ALG6: variants seen among roughly 807,000 people sequenced by gnomAD.
The protein encoded by ALG6 is ALG6 alpha-1,3-glucosyltransferase.
ALG6 carries 46 observed loss-of-function variants against 66.6 expected under a neutral mutation model. The ratio of observed to expected loss-of-function variants is 0.69; its 90% CI spans 0.55 to 0.88. The LOEUF is 0.88. ALG6 is among the 40% of genes least tolerant of loss of function. The pLI, the probability that ALG6 is intolerant of heterozygous loss-of-function variation, is 0.00. For synonymous variants in ALG6, 185 were observed against 203.7 expected (o/e 0.91, Z 0.78); for missense variants, 505 against 586.8 (o/e 0.86, Z 1.44).
intron 1 of ALG6, among the ~76,000 whole-genome samples, chr1:63,368,006 C>T (rs920164496): frequency 6.6e-6 from 1 of 152,116 alleles, no homozygotes; most frequent in Non-Finnish European, 1.5e-5. Context: ...ATATACACGC[C>T]CGGGATAGCT....
In ALG6 at chr1:63,406,087, T is replaced by C. The variant is rs2273122; in HGVS notation, c.347-230T>C. Among the ~76,000 whole-genome samples the C allele has an allele frequency of 0.18, 26,613 of 151,990 alleles. 2,481 individuals carry two copies. The highest frequency in any genetic ancestry group is 0.25 in the Middle Eastern group (73 of 292). ...GAGAATGTTAGATACATCTGATTGA[T>C]TAAATGTGTGAATTTGTTAGAGAAA... is the stretch of plus-strand genomic sequence containing the variant. On this transcript the variant is annotated intron_variant, in intron 5 of 14. Transcript: ENST00000263440.
chr1:63,387,816 A>G (rs1648550263), intron 2 of ALG6, among the ~76,000 whole-genome samples: 1 of 152,042 alleles, frequency 6.6e-6, no homozygotes, highest in Non-Finnish European at 1.5e-5. Flanking sequence ...TACTGGGATT[A>G]GAGGTGTGAG....
At chr1:63,397,581 A>T (rs1190100126) in intron 3 of ALG6, among the ~76,000 whole-genome samples, 1 of 152,116 alleles carries the variant, frequency 6.6e-6, no homozygotes, top group African/African-American at 2.4e-5. Context: ...ATGATACAGT[A>T]TATATTGAAC....
In ALG6 at chr1:63,377,467, A is replaced by G. The variant is rs190763769; in HGVS notation, c.82+6408A>G. 4.6e-5 allele frequency among the ~76,000 whole-genome samples: 7 copies of G among 152,022 alleles called. No homozygotes were observed. In the East Asian group the frequency reaches 1.2e-3, roughly 25 times the overall value. Reference sequence around the variant, plus strand: ...TCCGCAATTGCTGTTTCCCTTCTCTATTGGTTTGAAAGCTATATTTTTATT... The same window carrying G: ...TCCGCAATTGCTGTTTCCCTTCTCTGTTGGTTTGAAAGCTATATTTTTATT... On this transcript the variant is annotated intron_variant, in intron 2 of 14. Coordinates refer to ENST00000263440, the MANE Select transcript of ALG6 (RefSeq NM_013339.4).
intron 14 of ALG6, among the ~76,000 whole-genome samples, chr1:63,431,024 T>C (rs899013035): frequency 3.3e-5 from 5 of 152,318 alleles, no homozygotes; most frequent in East Asian, 3.9e-4. Flanking sequence ...TTTAAATCTA[T>C]GCCTTTGAGT....
chr1:63,413,252 CACTT>C (rs1379003461), intron 9 of ALG6, among the ~76,000 whole-genome samples: 18 of 152,296 alleles, frequency 1.2e-4, no homozygotes, highest in Middle Eastern at 3.4e-3. Context: ...TAAACTCTAA[CACTT>C]ACATAAAGAA....
chr1:63,382,054 T>C (rs949139258), intron 2 of ALG6, among the ~76,000 whole-genome samples: 3 of 152,218 alleles, frequency 2.0e-5, no homozygotes, highest in Non-Finnish European at 4.4e-5. Flanking sequence ...GTACCACTGC[T>C]CCCAGCTCAT....
rs1316712862 is a variant in ALG6 at position 63,404,513 on chromosome 1, G to C, written c.318G>C (p.Gln106His). The C allele has an allele frequency of 6.2e-7, 1 of 1,613,582 alleles. No homozygotes were observed. The highest frequency in any genetic ancestry group is 8.5e-7 in the Non-Finnish European group (1 of 1,179,746). ...ATACATCACGTGGATATGAGAGTCAGGCACATAAGCTCTTCATGCGTACAA... is the reference window on the plus strand; with the variant it reads ...ATACATCACGTGGATATGAGAGTCACGCACATAAGCTCTTCATGCGTACAA... ...ALHTSRGYESQAHKLFMRTTV... is the reference protein window; with the variant it reads ...ALHTSRGYESHAHKLFMRTTV... Residue 106 changes from glutamine (Q) to histidine (H), a missense_variant, in exon 5 of 15, where the codon CAG (glutamine) becomes CAC (histidine). By Grantham distance (24) the Gln-to-His change is conservative (BLOSUM62 0). Transcript: ENST00000263440.
intron 2 of ALG6, among the ~76,000 whole-genome samples, chr1:63,386,666 C>G (rs1214607888): frequency 6.6e-6 from 1 of 152,010 alleles, no homozygotes; most frequent in Non-Finnish European, 1.5e-5. Flanking sequence ...AATGTCTCCT[C>G]TTTAATCTCT....
chr1:63,409,106 G>A (rs1242835929), intron 7 of ALG6, among the ~76,000 whole-genome samples: 1 of 152,116 alleles, frequency 6.6e-6, no homozygotes, highest in Non-Finnish European at 1.5e-5. Flanking sequence ...TAACCATTAT[G>A]TACTTTTCTC....
In ALG6 at chr1:63,370,565, G is replaced by C. The variant is rs551567313; in HGVS notation, c.-207-206G>C. Among the ~76,000 whole-genome samples, 3 of 152,200 alleles carry C rather than the reference G, an allele frequency of 2.0e-5. No individual in the cohort carries two copies. In the South Asian group the frequency reaches 6.2e-4, roughly 31 times the overall value. On this transcript the variant is annotated intron_variant, in intron 1 of 14. Coordinates refer to ENST00000263440, the MANE Select transcript of ALG6 (RefSeq NM_013339.4). ...TTTACTATATCTTTAGATGTATTGA[G>C]TCCCATTTAATAGGGAGATCCACCT...
intron 2 of ALG6, among the ~76,000 whole-genome samples, chr1:63,384,917 C>T (rs914626898): frequency 1.3e-5 from 2 of 152,002 alleles, no homozygotes; most frequent in Non-Finnish European, 2.9e-5. Flanking sequence ...TGTAATTCCT[C>T]CAGTTTTGTT....
chr1:63,391,931 G>A (rs550734710), intron 2 of ALG6, among the ~76,000 whole-genome samples: 1 of 152,284 alleles, frequency 6.6e-6, no homozygotes, highest in African/African-American at 2.4e-5. Flanking sequence ...GAGATTCACA[G>A]TTCCTCTATA....
At chr1:63,422,315 A>T (rs1304057517) in intron 12 of ALG6, among the ~76,000 whole-genome samples, 23 of 101,232 alleles carry the variant, frequency 2.3e-4, no homozygotes, top group African/African-American at 9.1e-4. Flanking sequence ...ATATATATCT[A>T]TATATGAATA....
At chr1:63,394,485 C>T (rs1648761396) in intron 2 of ALG6, among the ~76,000 whole-genome samples, 1 of 152,002 alleles carries the variant, frequency 6.6e-6, no homozygotes, top group Non-Finnish European at 1.5e-5. Flanking sequence ...GTTCAAGTGC[C>T]TCAGCCTCCC....
At position 63,437,296 on chromosome 1, in the gene ALG6, TA is replaced by T. The variant is rs1644689763; in HGVS notation, c.*278del. The T allele has an allele frequency of 2.7e-6, 1 of 368,248 alleles. No individual in the cohort carries two copies. Among genetic ancestry groups the T allele is most frequent in the African/African-American group, 2.1e-5 (1 of 47,604 alleles). 22.8% of individuals were successfully genotyped at this position (368,248 alleles called of 1,614,324 possible). A position where few individuals can be genotyped will look rare whatever the true frequency, so the allele number is the denominator to read the frequency against. ...TGGGGAAAAAAGAGAAACATGTCCTTAATCCCATTGTTTACTCAGGAAATGC... is the reference window on the plus strand; with the variant it reads ...TGGGGAAAAAAGAGAAACATGTCCTTATCCCATTGTTTACTCAGGAAATGC... On this transcript the variant is annotated 3_prime_UTR_variant, in exon 15 of 15. Transcript: ENST00000263440.
chr1:63,372,306 A>G (rs561033750), intron 2 of ALG6, among the ~76,000 whole-genome samples: 1 of 152,300 alleles, frequency 6.6e-6, no homozygotes, highest in South Asian at 2.1e-4. Context: ...AGAGATAGGT[A>G]AAGAGAAAAA....
At chr1:63,421,493 A>G (rs1437706341) in intron 12 of ALG6, among the ~76,000 whole-genome samples, 1 of 152,192 alleles carries the variant, frequency 6.6e-6, no homozygotes, top group Non-Finnish European at 1.5e-5. Flanking sequence ...AAGGATTAGA[A>G]ATCATTTGAC....
chr1:63,415,796 A>G, intron 10 of ALG6, 77 bp from the exon 11 acceptor site: 1 of 847,844 alleles, frequency 1.2e-6, no homozygotes, highest in Non-Finnish European at 1.9e-6. Context: ...CCTTATATTT[A>G]AAAAATATTT....
Sources: gnomAD v4.1 joint callset for allele counts (sites outside exome capture counted in the v4.1 genomes callset) on GRCh38, gnomAD v4.1.1 for gene constraint, MANE v1.5 for transcripts, NCBI Gene and HGNC (gene_info 2026-07-23, HGNC 2026-07-21) for gene names.